Variants in HEATR5B observed in about 807,000 individuals in gnomAD.
HEATR5B encodes HEAT repeat-containing protein 5B.
Under a neutral mutation model 224.1 loss-of-function variants are expected in HEATR5B, and 156 were observed. The ratio of observed to expected loss-of-function variants is 0.70; its 90% CI spans 0.61 to 0.80. The LOEUF is 0.80. HEATR5B is among the 30% of genes least tolerant of loss of function. The pLI is 0.00. For missense variants in HEATR5B, 2,323 were observed against 2,535.5 expected, an observed-to-expected ratio of 0.92 and a Z score of 1.80; for synonymous variants, 1,027 against 893.0, an observed-to-expected ratio of 1.15 and a Z score of -2.68.
chr2:37,083,162 G>C, intron 2 of HEATR5B, 127 bp downstream of exon 2: 5 of 1,019,486 alleles, frequency 4.9e-6, no homozygotes, highest in Non-Finnish European at 7.5e-6. Context: ...TTTCCCATTC[G>C]TGTAATACTC....
intron 7 of HEATR5B, among the ~76,000 whole-genome samples, chr2:37,069,204 A>G (rs972510051): frequency 6.6e-6 from 1 of 152,252 alleles, no homozygotes; most frequent in Admixed American, 6.5e-5. Context: ...AATTTACCCC[A>G]GTGATCGGGA....
intron 3 of HEATR5B, 78 bp from the exon 4 acceptor site, chr2:37,077,097 T>C (rs755791319): frequency 8.0e-7 from 1 of 1,249,890 alleles, no homozygotes; most frequent in Non-Finnish European, 1.2e-6. Flanking sequence ...TAGAAATCAA[T>C]TTGCATTTGT....
intron 24 of HEATR5B, among the ~76,000 whole-genome samples, chr2:37,023,030 G>A (rs916412850): frequency 5.3e-5 from 8 of 151,922 alleles, no homozygotes. Flanking sequence ...TAATTAGACA[G>A]GGAACTTTAA....
chr2:37,077,982 A>G (rs976574025), intron 3 of HEATR5B, among the ~76,000 whole-genome samples: 2 of 152,232 alleles, frequency 1.3e-5, no homozygotes, highest in South Asian at 4.1e-4. Context: ...CACTTAGGTC[A>G]ATAGTAAGTG....
intron 23 of HEATR5B, among the ~76,000 whole-genome samples, chr2:37,028,422 C>G (rs969191504): frequency 6.6e-6 from 1 of 151,724 alleles, no homozygotes; most frequent in Admixed American, 6.6e-5. Context: ...TCTAGAGTAA[C>G]TTGGGGTTTT....
intron 27 of HEATR5B, among the ~76,000 whole-genome samples, 187 bp downstream of exon 27, chr2:37,013,654 T>G (rs573330311): frequency 6.6e-6 from 1 of 152,374 alleles, no homozygotes; most frequent in South Asian, 2.1e-4. Context: ...TTTCCTCATA[T>G]TATGTAGGAG....
Position 37,061,973 on chromosome 2 carries a change from A to G in HEATR5B, c.1662T>C (p.Ala554=), listed in dbSNP as rs1320273946. The change falls in exon 11 of 36, where the codon GCT becomes GCC. Residue 554 remains alanine, a synonymous_variant. Coordinates refer to ENST00000233099, the MANE Select transcript of HEATR5B (RefSeq NM_019024.3). ...NSRLSLQRTQ[A]GWLLLGALMT... The stretch of plus-strand genomic sequence containing the variant: ...TAAGTGCTCCAAGTAAAAGCCAGCC[A>G]GCTTGGGTGCGCTGTAAAGATAGCC... The G allele has an allele frequency of 6.2e-7, 1 of 1,613,910 alleles. No individual in the cohort carries two copies. The highest frequency in any genetic ancestry group is 8.5e-7 in the Non-Finnish European group (1 of 1,179,818).
chr2:37,016,450 A>AT (rs147479535), intron 26 of HEATR5B, among the ~76,000 whole-genome samples: 5,112 of 152,050 alleles, frequency 0.034, 100 homozygotes, highest in African/African-American at 0.044. Flanking sequence ...TTGGACCAAG[A>AT]TTTTTTTCAG....
chr2:37,053,421 A>T, intron 17 of HEATR5B, 81 bp downstream of exon 17: 1 of 678,890 alleles, frequency 1.5e-6, no homozygotes, highest in East Asian at 2.9e-5. Flanking sequence ...TATAAACATT[A>T]TAATAATCTT....
At chr2:37,017,200 C>A (rs1668170912) in intron 26 of HEATR5B, among the ~76,000 whole-genome samples, 1 of 152,194 alleles carries the variant, frequency 6.6e-6, no homozygotes, top group African/African-American at 2.4e-5. Context: ...TCTTGGCCAA[C>A]ACGGTGAAAC....
intron 35 of HEATR5B, among the ~76,000 whole-genome samples, chr2:36,984,597 A>T (rs1032652643): frequency 6.6e-6 from 1 of 152,166 alleles, no homozygotes. Flanking sequence ...AGAAAAAAAT[A>T]AGAGAAAAAA....
At chr2:37,014,512 G>A (rs1667991257) in intron 26 of HEATR5B, among the ~76,000 whole-genome samples, 1 of 151,854 alleles carries the variant, frequency 6.6e-6, no homozygotes, top group African/African-American at 2.4e-5. Context: ...GTACTCCTAC[G>A]TAGAAAACAA....
intron 8 of HEATR5B, among the ~76,000 whole-genome samples, chr2:37,067,067 C>T (rs1429002952): frequency 1.3e-5 from 2 of 152,046 alleles, no homozygotes; most frequent in South Asian, 4.1e-4. Flanking sequence ...GACAGGGTTT[C>T]GCCATGTTGG....
At chr2:37,011,283 G>A (rs1476371263) in intron 27 of HEATR5B, among the ~76,000 whole-genome samples, 1 of 152,312 alleles carries the variant, frequency 6.6e-6, no homozygotes, top group East Asian at 1.9e-4. Flanking sequence ...GGAACAGCCA[G>A]AGCAAGAGCA....
At chr2:36,991,448 T>C (rs1391734342) in intron 33 of HEATR5B, among the ~76,000 whole-genome samples, 1 of 150,472 alleles carries the variant, frequency 6.6e-6, no homozygotes, top group Non-Finnish European at 1.5e-5. Flanking sequence ...TGAGCCAAGA[T>C]TGTGTCATTG....
At chr2:37,005,552 A>C in intron 30 of HEATR5B, 80 bp downstream of exon 30, 3 of 1,358,450 alleles carry the variant, frequency 2.2e-6, no homozygotes, top group Non-Finnish European at 2.1e-6. Flanking sequence ...AATACAGAAA[A>C]AAAATCCATC....
intron 6 of HEATR5B, among the ~76,000 whole-genome samples, chr2:37,070,788 T>TTAC (rs1272661191): frequency 6.6e-6 from 1 of 152,246 alleles, no homozygotes; most frequent in Admixed American, 6.5e-5. Context: ...GATTAAGATG[T>TTAC]TACTGGGAAT....
Position 37,070,362 on chromosome 2 carries a change from T to C in HEATR5B, c.795A>G (p.Ala265=). The C allele has an allele frequency of 1.2e-6, 2 of 1,614,078 alleles. No homozygotes were observed. The highest frequency in any genetic ancestry group is 1.7e-6 in the Non-Finnish European group (2 of 1,179,928). ...ATVMRQNVKR[A]TFDEVLELMA... ...TGAGTTCTAAGACTTCATCAAATGTTGCTCGCTTCACATTCTGACGCATTA... is the reference window on the plus strand; with the variant it reads ...TGAGTTCTAAGACTTCATCAAATGTCGCTCGCTTCACATTCTGACGCATTA... The change falls in exon 7 of 36, where the codon GCA becomes GCG. Residue 265 remains alanine, a synonymous_variant. Coordinates refer to ENST00000233099, the MANE Select transcript of HEATR5B (RefSeq NM_019024.3).
chr2:36,991,607 T>C (rs186327612), intron 33 of HEATR5B, among the ~76,000 whole-genome samples: 318 of 135,258 alleles, frequency 2.4e-3, no homozygotes, highest in Non-Finnish European at 3.6e-3. Context: ...TGAACAGAAA[T>C]ATAGTACGTA....
Sources: allele counts gnomAD v4.1 joint callset (sites outside exome capture counted in the v4.1 genomes callset), GRCh38; gene constraint gnomAD v4.1.1; transcripts MANE v1.5; gene names NCBI Gene and HGNC (gene_info 2026-07-23, HGNC 2026-07-21).